Variants in PLA2G6 observed in about 807,000 individuals in gnomAD.
The protein encoded by PLA2G6 is 85/88 kDa calcium-independent phospholipase A2.
In PLA2G6, 62 loss-of-function variants were observed where a neutral mutation model predicts 83.8. The ratio of observed to expected loss-of-function variants is 0.74; its 90% CI spans 0.60 to 0.91. The LOEUF (loss-of-function observed/expected upper bound fraction) is 0.91, where lower values mean the gene tolerates loss of function less well. Ranked by LOEUF, PLA2G6 falls within the 40% of genes least tolerant of loss-of-function variation. PLA2G6 has a pLI of 0.00. For missense variants in PLA2G6, 944 were observed against 1,102.0 expected (o/e 0.86, Z 2.03); for synonymous variants, 417 against 449.8 (o/e 0.93, Z 0.92).
chr22:38,171,647 C>T (rs2090442802), intron 1 of PLA2G6, among the ~76,000 whole-genome samples: 1 of 151,832 alleles, frequency 6.6e-6, no homozygotes, highest in African/African-American at 2.4e-5. Context: ...GGTGAAACTC[C>T]GTCTCTACTA....
At chr22:38,172,298 G>A (rs1312500384) in intron 1 of PLA2G6, among the ~76,000 whole-genome samples, 1 of 152,218 alleles carries the variant, frequency 6.6e-6, no homozygotes, top group African/African-American at 2.4e-5. Context: ...AGTGAAAGCT[G>A]GCACCCAGAT....
chr22:38,159,348 G>T (rs1286106751), intron 2 of PLA2G6, among the ~76,000 whole-genome samples: 2 of 152,134 alleles, frequency 1.3e-5, no homozygotes, highest in African/African-American at 2.4e-5. Context: ...ATTTGTTAAA[G>T]AAATCGAATC....
chr22:38,121,114 G>C (rs546124483), intron 11 of PLA2G6: 1 of 557,116 alleles, frequency 1.8e-6, no homozygotes, highest in African/African-American at 1.9e-5. Context: ...ATGGTGGCTC[G>C]CGCCTGTAAT....
chr22:38,145,830 CACA>C (rs1569278564), intron 2 of PLA2G6, 177 bp from the exon 3 acceptor site: 36 of 627,996 alleles, frequency 5.7e-5, no homozygotes, highest in South Asian at 2.5e-4. Context: ...CACACACACA[CACA>C]CCCCTATACA....
At chr22:38,148,481 C>G in intron 2 of PLA2G6, 1 of 716,598 alleles carries the variant, frequency 1.4e-6, no homozygotes, top group Non-Finnish European at 2.6e-6. Context: ...TCAAAAGACA[C>G]TGATGACTCA....
At chr22:38,145,833 A>ACACACACACACACC (rs1491467180) in intron 2 of PLA2G6, 180 bp from the exon 3 acceptor site, 17 of 595,202 alleles carry the variant, frequency 2.9e-5, no homozygotes, top group South Asian at 8.9e-5. Context: ...ACACACACAC[A>ACACACACACACACC]CCCCTATACA....
chr22:38,132,689 C>G lies in PLA2G6; in HGVS notation c.1077+142G>C, dbSNP rs1170782243. On this transcript the variant is annotated intron_variant, in intron 7 of 16. Coordinates refer to ENST00000332509, the MANE Select transcript of PLA2G6 (RefSeq NM_003560.4). The surrounding 1 kb of genome is among the most constrained non-coding windows in gnomAD (Gnocchi z 5.0). Reference sequence around the variant, plus strand: ...GGCTTCCTGAGGGAGGAGTCAGGGTCTGAACTGAGCTTTGGGTGGGAAGAT... The same window carrying G: ...GGCTTCCTGAGGGAGGAGTCAGGGTGTGAACTGAGCTTTGGGTGGGAAGAT... 9.0e-6 allele frequency: 7 copies of G among 774,108 alleles called. No homozygotes were observed. Among genetic ancestry groups the G allele is most frequent in the Non-Finnish European group, 1.5e-5 (7 of 477,086 alleles). 48.0% of individuals were successfully genotyped at this position (774,108 alleles called of 1,614,324 possible).
intron 5 of PLA2G6, chr22:38,139,415 T>TTATATTTATTTATTTA (rs773858903): frequency 8.1e-5 from 12 of 147,414 alleles, no homozygotes; most frequent in East Asian, 2.0e-4. Flanking sequence ...ATAAATTTAT[T>TTATATTTATTTATTTA]TTTATTTATT....
At chr22:38,125,814 G>A (rs574405515) in intron 10 of PLA2G6, 13 of 431,894 alleles carry the variant, frequency 3.0e-5, no homozygotes, top group South Asian at 2.0e-4. Context: ...GGCTGGAAAC[G>A]CATTTGTCCT....
In PLA2G6 at chr22:38,111,909, G is replaced by A. The variant is rs904140996; in HGVS notation, c.*252C>T. On this transcript the variant is annotated 3_prime_UTR_variant, in exon 17 of 17. Coordinates refer to ENST00000332509, the MANE Select transcript of PLA2G6 (RefSeq NM_003560.4). ...ATGGGGGAGTCAGTTGTCCTTGACA[G>A]TCAGGGAAAGGGGCCAAAGGGGGCT... 1.8e-5 allele frequency: 10 copies of A among 561,412 alleles called. No individual in the cohort carries two copies. In the African/African-American group the frequency reaches 1.9e-4, roughly 11 times the overall value. The allele number at this position is 561,412 out of a possible 1,614,324, so 34.8% of individuals were successfully genotyped here.
intron 6 of PLA2G6, chr22:38,134,150 C>T (rs1388990280): frequency 6.6e-6 from 1 of 152,270 alleles, no homozygotes. Flanking sequence ...TGCTTCCTGC[C>T]CTCAAACATC....
At chr22:38,115,412 A>C (rs1182418917) in intron 14 of PLA2G6, 115 bp downstream of exon 14, 4 of 855,752 alleles carry the variant, frequency 4.7e-6, no homozygotes, top group South Asian at 1.4e-5. Context: ...CATATGAATG[A>C]GTGCGTGTGT....
chr22:38,168,586 A>C (rs1386122432), intron 2 of PLA2G6, among the ~76,000 whole-genome samples: 1 of 152,164 alleles, frequency 6.6e-6, no homozygotes, highest in Non-Finnish European at 1.5e-5. Flanking sequence ...GCAGTGGCTC[A>C]CGCCTGCAAT....
intron 7 of PLA2G6, among the ~76,000 whole-genome samples, chr22:38,130,050 C>T (rs966936697): frequency 2.6e-5 from 4 of 152,130 alleles, no homozygotes; most frequent in Non-Finnish European, 4.4e-5. Flanking sequence ...AGTGTCCCCA[C>T]GAAGAACGTC....
chr22:38,117,016 T>C (rs909722634), intron 12 of PLA2G6, among the ~76,000 whole-genome samples: 4 of 152,058 alleles, frequency 2.6e-5, no homozygotes, highest in East Asian at 3.9e-4. Flanking sequence ...ACAACCACTA[T>C]AGAAATTAAT....
intron 1 of PLA2G6, among the ~76,000 whole-genome samples, chr22:38,174,091 T>C (rs1202317879): frequency 1.3e-5 from 2 of 151,308 alleles, no homozygotes; most frequent in Non-Finnish European, 2.9e-5. Flanking sequence ...AAAGTTGATG[T>C]CCACCAAAAA....
intron 2 of PLA2G6, among the ~76,000 whole-genome samples, chr22:38,156,083 A>G (rs2089766793): frequency 6.6e-6 from 1 of 152,266 alleles, no homozygotes; most frequent in African/African-American, 2.4e-5. Flanking sequence ...AAAGAGACAA[A>G]GAAGGTCATT....
chr22:38,157,440 AG>A (rs1379130463), intron 2 of PLA2G6, among the ~76,000 whole-genome samples: 1 of 152,208 alleles, frequency 6.6e-6, no homozygotes, highest in Non-Finnish European at 1.5e-5. Context: ...ACCAATAACA[AG>A]TAATGAGATC....
At position 38,132,948 on chromosome 22, in the gene PLA2G6, G is replaced by A; in HGVS notation, c.960C>T (p.Ala320=). Residue 320 remains alanine (A), a synonymous_variant, in exon 7 of 17, where the codon GCC becomes GCT. Coordinates refer to ENST00000332509, the MANE Select transcript of PLA2G6 (RefSeq NM_003560.4). The surrounding 1 kb of genome is among the most constrained non-coding windows in gnomAD (Gnocchi z 5.0). ...GGTTGCGCATCACCGCCACGTGCAG[G>A]GCCGTGTTCCCCGCGGAGCTGGTGC... ...VNSTSSAGNT[A]LHVAVMRNRF... 10 of 1,563,324 alleles carry A rather than the reference G, an allele frequency of 6.4e-6. No homozygotes were observed. The highest frequency in any genetic ancestry group is 8.7e-6 in the Non-Finnish European group (10 of 1,154,332).
Sources: allele counts gnomAD v4.1 joint callset (sites outside exome capture counted in the v4.1 genomes callset), GRCh38; gene constraint gnomAD v4.1.1; non-coding constraint Gnocchi (gnomAD v3.1); transcripts MANE v1.5; gene names NCBI Gene and HGNC (gene_info 2026-07-23, HGNC 2026-07-21).